The following RICTOR variants were observed in gnomAD, a reference collection of about 807,000 sequenced individuals.
The protein encoded by RICTOR is rapamycin-insensitive companion of mTOR.
In RICTOR, 49 loss-of-function variants were observed where a neutral mutation model predicts 214.9. That is an observed-to-expected ratio of 0.23 (90% CI 0.18 to 0.29). The LOEUF (loss-of-function observed/expected upper bound fraction) is 0.29, where lower values mean the gene tolerates loss of function less well. Ranked by LOEUF, RICTOR falls within the 10% of genes least tolerant of loss-of-function variation. The pLI is 1.00. For synonymous variants in RICTOR, 717 were observed against 711.3 expected, an observed-to-expected ratio of 1.01 and a Z score of -0.13; for missense variants, 1,625 against 2,047.0, an observed-to-expected ratio of 0.79 and a Z score of 3.98.
intron 11 of RICTOR, among the ~76,000 whole-genome samples, chr5:38,968,624 G>A (rs568009744): frequency 2.0e-4 from 30 of 151,750 alleles, no homozygotes; most frequent in Non-Finnish European, 3.8e-4. Flanking sequence ...TGTAGTCCTA[G>A]CTACTCGGGA....
chr5:39,007,869 ATAT>A (rs1426897085), intron 3 of RICTOR, among the ~76,000 whole-genome samples: 4 of 150,104 alleles, frequency 2.7e-5, no homozygotes, highest in East Asian at 1.9e-4. Context: ...ATTATTTTAA[ATAT>A]TATTATATAC....
chr5:38,967,085 G>A (rs1478490393), intron 14 of RICTOR, 76 bp downstream of exon 14: 1 of 1,152,274 alleles, frequency 8.7e-7, no homozygotes, highest in Non-Finnish European at 1.3e-6. Context: ...ACAGGCGTGA[G>A]TCACCACACC....
At chr5:38,997,144 C>T (rs1753239291) in intron 5 of RICTOR, among the ~76,000 whole-genome samples, 1 of 151,868 alleles carries the variant, frequency 6.6e-6, no homozygotes. Flanking sequence ...TACATCTATT[C>T]ATAAAGAAAG....
chr5:38,997,133 C>G (rs773501743), intron 5 of RICTOR, among the ~76,000 whole-genome samples: 5 of 151,928 alleles, frequency 3.3e-5, no homozygotes, highest in Non-Finnish European at 7.4e-5. Flanking sequence ...ATTTACAAGA[C>G]TACATCTATT....
At chr5:38,997,689 T>C (rs553571878) in intron 5 of RICTOR, among the ~76,000 whole-genome samples, 1 of 152,144 alleles carries the variant, frequency 6.6e-6, no homozygotes, top group East Asian at 1.9e-4. Flanking sequence ...AAACAACTGT[T>C]AAAAGGGCAA....
In RICTOR at chr5:38,964,783, G is replaced by A. The variant is rs756215248; in HGVS notation, c.1400+9C>T. On this transcript the variant is annotated intron_variant, in intron 16 of 37. Coordinates refer to ENST00000357387, the MANE Select transcript of RICTOR (RefSeq NM_152756.5). ...CAAACAAAAGCTTTGCTAAAGCTCT[G>A]ATACTTACAGTCTCTTTTCCTTGGG... The A allele has an allele frequency of 6.9e-7, 1 of 1,439,354 alleles. No homozygotes were observed. The highest frequency in any genetic ancestry group is 1.2e-5 in the South Asian group (1 of 82,712). The allele number at this position is 1,439,354 out of a possible 1,614,324, so 89.2% of individuals were successfully genotyped here. A position where few individuals can be genotyped will look rare whatever the true frequency, so the allele number is the denominator to read the frequency against.
chr5:39,073,538 T>C lies in RICTOR; in HGVS notation c.97+573A>G, dbSNP rs1759479872. Among the ~76,000 whole-genome samples, 5 of 152,254 alleles carry C rather than the reference T, an allele frequency of 3.3e-5. No individual in the cohort carries two copies. The South Asian group carries it at 1.0e-3, about 32-fold the overall frequency. Reference sequence around the variant, plus strand: ...AAAGGGAAGCAGAAGGGAAACAGCATAAACCAGACATTTAGCAGTAATGAC... The same window carrying C: ...AAAGGGAAGCAGAAGGGAAACAGCACAAACCAGACATTTAGCAGTAATGAC... On this transcript the variant is annotated intron_variant, in intron 2 of 37. Coordinates refer to ENST00000357387, the MANE Select transcript of RICTOR (RefSeq NM_152756.5).
chr5:39,019,274 AAAC>A (rs1400463236), intron 3 of RICTOR, among the ~76,000 whole-genome samples: 5 of 152,236 alleles, frequency 3.3e-5, no homozygotes, highest in African/African-American at 1.2e-4. Context: ...TAGCTACACT[AAAC>A]AACAGATTTT....
rs73749404 is a variant in RICTOR at position 39,050,033 on chromosome 5, C to T, written c.97+24078G>A. Among the ~76,000 whole-genome samples, 1,144 of 152,050 alleles carry T rather than the reference C, an allele frequency of 7.5e-3. 15 individuals carry two copies. Among genetic ancestry groups the T allele is most frequent in the African/African-American group, 0.025 (1,019 of 41,484 alleles). On this transcript the variant is annotated intron_variant, in intron 2 of 37. Transcript: ENST00000357387. ...ACTTGAAATACTTAGAATCAGGATG[C>T]CCAATGAATCCAAAGGCAGAATAAA... is the stretch of plus-strand genomic sequence containing the variant.
chr5:39,012,982 G>A (rs2150123988), intron 3 of RICTOR, among the ~76,000 whole-genome samples: 1 of 152,236 alleles, frequency 6.6e-6, no homozygotes, highest in South Asian at 2.1e-4. Flanking sequence ...TAGTCCCATG[G>A]AAAGTGTTTA....
intron 27 of RICTOR, among the ~76,000 whole-genome samples, chr5:38,953,938 G>T (rs1413978040): frequency 6.6e-6 from 1 of 151,846 alleles, no homozygotes; most frequent in African/African-American, 2.4e-5. Context: ...AAAACAGAAA[G>T]TAAATTAGTG....
In RICTOR at chr5:38,962,239, C is replaced by T. The variant is rs1010793561; in HGVS notation, c.1715+76G>A. 30 of 585,992 alleles carry T rather than the reference C, an allele frequency of 5.1e-5. No homozygotes were observed. The African/African-American group carries it at 5.5e-4, about 11-fold the overall frequency. 36.3% of individuals were successfully genotyped at this position (585,992 alleles called of 1,614,324 possible). On this transcript the variant is annotated intron_variant, in intron 19 of 37. Coordinates refer to ENST00000357387, the MANE Select transcript of RICTOR (RefSeq NM_152756.5). ...TATGTATATGTCTTTAAAATTATTA[C>T]ATATTTTAGCAGGTATTAGGCCTAA...
chr5:38,998,635 G>A (rs1034705011), intron 5 of RICTOR, among the ~76,000 whole-genome samples: 4 of 152,152 alleles, frequency 2.6e-5, no homozygotes, highest in African/African-American at 9.7e-5. Context: ...GTTGTCAGAG[G>A]GGACTTCAAA....
At chr5:38,946,651 C>G (rs1312768432) in intron 32 of RICTOR, 99 bp from the exon 33 acceptor site, 2 of 732,822 alleles carry the variant, frequency 2.7e-6, no homozygotes, top group Non-Finnish European at 4.8e-6. Context: ...AATAGAATTA[C>G]CATAGCATAT....
chr5:39,023,937 T>G (rs1363460250), intron 2 of RICTOR, among the ~76,000 whole-genome samples: 1 of 152,192 alleles, frequency 6.6e-6, no homozygotes, highest in Non-Finnish European at 1.5e-5. Flanking sequence ...AATTCAATCT[T>G]AAGTGATTTA....
Position 39,074,311 on chromosome 5 carries a change from G to GCTTACCT in RICTOR, c.49+17_49+18insAGGTAAG. ...GCGGGCGCCGGGCGGTGGGGAGTGA[G>GCTTACCT]GGTTGCAGCGGGCTTACCTCGTACT... is the stretch of plus-strand genomic sequence containing the variant. On this transcript the variant is annotated intron_variant, in intron 1 of 37. Coordinates refer to ENST00000357387, the MANE Select transcript of RICTOR (RefSeq NM_152756.5). 1 of 1,550,560 alleles carries GCTTACCT rather than the reference G, an allele frequency of 6.4e-7. No homozygotes were observed.
Position 38,954,896 on chromosome 5 carries a change from C to T in RICTOR, c.2610-35G>A, listed in dbSNP as rs750651055. On this transcript the variant is annotated intron_variant, in intron 26 of 37. Coordinates refer to ENST00000357387, the MANE Select transcript of RICTOR (RefSeq NM_152756.5). ...TAAAGATGATTACTATATCTCTTGG[C>T]TAATTTAAATATGCTAATTAGAACA... The T allele has an allele frequency of 3.9e-5, 40 of 1,033,392 alleles. No individual in the cohort carries two copies. The South Asian group carries it at 5.7e-4, about 15-fold the overall frequency. The allele number at this position is 1,033,392 out of a possible 1,614,324, so 64.0% of individuals were successfully genotyped here.
At chr5:39,042,294 A>C (rs985092528) in intron 2 of RICTOR, among the ~76,000 whole-genome samples, 10 of 152,196 alleles carry the variant, frequency 6.6e-5, no homozygotes, top group Admixed American at 2.0e-4. Context: ...TAAAACAACA[A>C]CACTGACACA....
intron 10 of RICTOR, among the ~76,000 whole-genome samples, chr5:38,972,868 G>A: frequency 6.9e-6 from 1 of 144,336 alleles, no homozygotes; most frequent in Non-Finnish European, 1.5e-5. Flanking sequence ...AGTAACAGAA[G>A]GGCAAAAAAA....
Sources: allele counts gnomAD v4.1 joint callset (sites outside exome capture counted in the v4.1 genomes callset), GRCh38; gene constraint gnomAD v4.1.1; transcripts MANE v1.5; gene names NCBI Gene and HGNC (gene_info 2026-07-23, HGNC 2026-07-21).